The following CELF4 variants were observed in gnomAD, a reference collection of about 807,000 sequenced individuals.
The protein encoded by CELF4 is CUGBP Elav-like family member 4.
CELF4 carries 18 observed loss-of-function variants against 59.9 expected under a neutral mutation model. The observed-to-expected ratio is 0.30, with a 90% confidence interval of 0.21 to 0.45. CELF4 has a LOEUF of 0.45. CELF4 is among the 20% of genes least tolerant of loss of function. The pLI is 1.00. For missense variants in CELF4, 456 were observed against 689.0 expected (o/e 0.66, Z 3.79); for synonymous variants, 261 against 267.1 (o/e 0.98, Z 0.22).
chr18:37,470,135 A>C (rs550289493), intron 2 of CELF4, among the ~76,000 whole-genome samples: 39 of 152,228 alleles, frequency 2.6e-4, no homozygotes, highest in Non-Finnish European at 4.1e-4. Context: ...ACCGAGTCAG[A>C]ATAGAGGGTA....
At chr18:37,532,315 A>G (rs1357730118) in intron 1 of CELF4, among the ~76,000 whole-genome samples, 1 of 152,150 alleles carries the variant, frequency 6.6e-6, no homozygotes, top group African/African-American at 2.4e-5. Context: ...TTCCTGTGGC[A>G]GTTTGGGGAA....
intron 2 of CELF4, among the ~76,000 whole-genome samples, chr18:37,468,956 G>C (rs1475453312): frequency 1.3e-5 from 2 of 152,070 alleles, no homozygotes; most frequent in Non-Finnish European, 2.9e-5. Context: ...ATTTGGGTGG[G>C]GACACAGAGC....
At chr18:37,344,798 C>T (rs112369057) in intron 2 of CELF4, among the ~76,000 whole-genome samples, 3,076 of 152,316 alleles carry the variant, frequency 0.02, 108 homozygotes, top group African/African-American at 0.071. Context: ...ATGACGGGAA[C>T]GGCTGCAAGG....
At chr18:37,466,071 G>C (rs1260092034) in intron 2 of CELF4, among the ~76,000 whole-genome samples, 1 of 152,206 alleles carries the variant, frequency 6.6e-6, no homozygotes, top group Non-Finnish European at 1.5e-5. Context: ...CCCCTTTCTA[G>C]GCCAGCTGGG....
At chr18:37,412,598 G>A (rs1249828279) in intron 2 of CELF4, among the ~76,000 whole-genome samples, 2 of 152,020 alleles carry the variant, frequency 1.3e-5, no homozygotes, top group African/African-American at 4.8e-5. Context: ...GGACGGGTAC[G>A]TGTGTGTGGA....
At chr18:37,369,633 C>T (rs1057205503) in intron 2 of CELF4, among the ~76,000 whole-genome samples, 2 of 152,368 alleles carry the variant, frequency 1.3e-5, no homozygotes, top group East Asian at 3.9e-4. Context: ...TACACCTACA[C>T]TTGACTCCAC....
chr18:37,444,517 C>T (rs187954907), intron 2 of CELF4, among the ~76,000 whole-genome samples: 6 of 152,124 alleles, frequency 3.9e-5, no homozygotes, highest in Admixed American at 2.0e-4. Context: ...CAAAGATTCC[C>T]ACTGCCCTGC....
chr18:37,303,634 C>G (rs758854462), intron 3 of CELF4, among the ~76,000 whole-genome samples: 1 of 152,086 alleles, frequency 6.6e-6, no homozygotes, highest in Non-Finnish European at 1.5e-5. Flanking sequence ...CTTTTTAGAG[C>G]CACGTCTTGG....
chr18:37,259,015 C>T (rs181898225), intron 11 of CELF4, 166 bp downstream of exon 11: 62 of 980,476 alleles, frequency 6.3e-5, no homozygotes, highest in African/African-American at 4.3e-4. Flanking sequence ...GCAGCTGGGG[C>T]GGGGGCAATG....
At chr18:37,375,934 C>G (rs2098963843) in intron 2 of CELF4, among the ~76,000 whole-genome samples, 1 of 152,180 alleles carries the variant, frequency 6.6e-6, no homozygotes, top group South Asian at 2.1e-4. Flanking sequence ...ATTGGGTCCA[C>G]AAGAACTTTA....
chr18:37,397,831 A>T (rs777578942), intron 2 of CELF4, among the ~76,000 whole-genome samples: 2 of 152,084 alleles, frequency 1.3e-5, no homozygotes, highest in African/African-American at 2.4e-5. Context: ...TCTGAATCTG[A>T]GCTCTGTACC....
chr18:37,422,314 G>A (rs1485285132), intron 2 of CELF4, among the ~76,000 whole-genome samples: 1 of 152,248 alleles, frequency 6.6e-6, no homozygotes, highest in African/African-American at 2.4e-5. Context: ...GGCTGAATAA[G>A]AAACACAGCT....
intron 2 of CELF4, among the ~76,000 whole-genome samples, chr18:37,438,092 T>C (rs1161293785): frequency 4.6e-5 from 7 of 152,192 alleles, no homozygotes; most frequent in Non-Finnish European, 8.8e-5. Flanking sequence ...TGCTAGCACC[T>C]TGATTTTGGA....
chr18:37,556,026 G>A (rs4799946), intron 1 of CELF4, among the ~76,000 whole-genome samples: 128,773 of 152,198 alleles, frequency 0.85, 57,615 homozygotes, highest in Non-Finnish European at 0.98. Context: ...CAAATAGTCA[G>A]TTACAGCATT....
chr18:37,333,025 T>C (rs2097603822), intron 2 of CELF4, among the ~76,000 whole-genome samples: 1 of 152,240 alleles, frequency 6.6e-6, no homozygotes, highest in Non-Finnish European at 1.5e-5. Flanking sequence ...GCTGGGTCGC[T>C]AACCCTCTTC....
At chr18:37,514,817 AAAT>A (rs1162666750) in intron 1 of CELF4, among the ~76,000 whole-genome samples, 3 of 152,206 alleles carry the variant, frequency 2.0e-5, no homozygotes, top group African/African-American at 7.2e-5. Context: ...TTTATTAAAA[AAAT>A]CATTTACTGT....
chr18:37,491,496 C>T (rs2154603481), intron 1 of CELF4, among the ~76,000 whole-genome samples: 1 of 152,224 alleles, frequency 6.6e-6, no homozygotes, highest in East Asian at 1.9e-4. Flanking sequence ...GAGACGGGCT[C>T]TTCTATGTCT....
At chr18:37,453,450 G>T (rs2099769603) in intron 2 of CELF4, among the ~76,000 whole-genome samples, 1 of 152,220 alleles carries the variant, frequency 6.6e-6, no homozygotes, top group African/African-American at 2.4e-5. Context: ...TACTGACCGT[G>T]TGACACTCTT....
At chr18:37,283,461 C>T (rs2094388273) in intron 3 of CELF4, among the ~76,000 whole-genome samples, 1 of 152,158 alleles carries the variant, frequency 6.6e-6, no homozygotes. Flanking sequence ...CCTCTCTCCT[C>T]CATGAATGAG....
Sources: gnomAD v4.1 joint callset for allele counts (sites outside exome capture counted in the v4.1 genomes callset) on GRCh38, gnomAD v4.1.1 for gene constraint, MANE v1.5 for transcripts, NCBI Gene and HGNC (gene_info 2026-07-23, HGNC 2026-07-21) for gene names.